The following LPAR3 variants were observed in gnomAD, a reference collection of about 807,000 sequenced individuals.
The protein encoded by LPAR3 is lysophosphatidic acid receptor 3.
Under a neutral mutation model 17.8 loss-of-function variants are expected in LPAR3, and 7 were observed. The ratio of observed to expected loss-of-function variants is 0.39; its 90% confidence interval spans 0.22 to 0.74. The LOEUF (loss-of-function observed/expected upper bound fraction) is 0.74. Among genes scored for constraint, LPAR3 ranks in the 30% least tolerant of loss-of-function variants. The pLI is 0.40. For synonymous variants in LPAR3, 179 were observed against 179.9 expected (o/e 0.99, Z 0.04); for missense variants, 391 against 453.4 (o/e 0.86, Z 1.25).
In LPAR3 at chr1:84,814,118, G is replaced by A; in HGVS notation, c.790C>T (p.Leu264=). 1.2e-6 allele frequency: 2 copies of A among 1,614,150 alleles called. No individual in the cohort carries two copies. The highest frequency in any genetic ancestry group is 1.7e-6 in the Non-Finnish European group (2 of 1,180,022). Residue 264 remains leucine (L), a synonymous_variant, in exon 3 of 3, where the codon CTG becomes TTG. Transcript: ENST00000370611. ...PGLVVLLLDG[L]NCRQCGVQHV... is the part of the protein sequence containing the mutation. ...TGCACGCCACACTGCCTGCAGTTCA[G>A]GCCGTCGAGGAGCAGAACCACCAGG...
chr1:84,849,302 G>A (rs1659655032), intron 2 of LPAR3, among the ~76,000 whole-genome samples: 2 of 147,020 alleles, frequency 1.4e-5, no homozygotes, highest in South Asian at 4.3e-4. Context: ...TTGAACCTGG[G>A]AGGCAGAGGT....
At chr1:84,868,360 T>A (rs1454982969) in intron 1 of LPAR3, among the ~76,000 whole-genome samples, 1 of 152,196 alleles carries the variant, frequency 6.6e-6, no homozygotes, top group Non-Finnish European at 1.5e-5. Context: ...TCCGCCCACC[T>A]TGGCCTCCCA....
chr1:84,827,151 T>C (rs1659174602), intron 2 of LPAR3, among the ~76,000 whole-genome samples: 1 of 152,238 alleles, frequency 6.6e-6, no homozygotes, highest in Non-Finnish European at 1.5e-5. Flanking sequence ...AAAAATCAAT[T>C]GTGTACAATG....
rs1450823400 is a variant in LPAR3 at position 84,848,663 on chromosome 1, C to A, written c.736+16722G>T. On this transcript the variant is annotated intron_variant, in intron 2 of 2. Transcript: ENST00000370611. ...TGTCCTTCTGAGAGTCCACTCCATG[C>A]AACTGAGAAGACACAGTTTTAGTTT... 3.6e-4 allele frequency among the ~76,000 whole-genome samples: 55 copies of A among 152,182 alleles called. 1 individual carries two copies. The highest frequency in any genetic ancestry group is 2.9e-5 in the Non-Finnish European group (2 of 68,038).
intron 2 of LPAR3, among the ~76,000 whole-genome samples, chr1:84,861,583 C>T (rs1428021303): frequency 6.6e-6 from 1 of 152,206 alleles, no homozygotes. Flanking sequence ...CTGCAGATCA[C>T]CCTTGTAGAA....
At chr1:84,873,518 T>C (rs991642491) in intron 1 of LPAR3, among the ~76,000 whole-genome samples, 5 of 152,206 alleles carry the variant, frequency 3.3e-5, no homozygotes, top group Non-Finnish European at 7.3e-5. Context: ...AGTGGCAATT[T>C]GTTCAAAATT....
chr1:84,875,346 C>T (rs10157361), intron 1 of LPAR3, among the ~76,000 whole-genome samples: 109,740 of 152,218 alleles, frequency 0.72, 40,633 homozygotes, highest in African/African-American at 0.88. Flanking sequence ...TATAATTATG[C>T]CCCCCAGAGT....
At chr1:84,858,895 T>A (rs958506949) in intron 2 of LPAR3, among the ~76,000 whole-genome samples, 1 of 152,158 alleles carries the variant, frequency 6.6e-6, no homozygotes, top group Non-Finnish European at 1.5e-5. Flanking sequence ...TTTACTCCAG[T>A]AGGGCAAAGG....
intron 2 of LPAR3, among the ~76,000 whole-genome samples, chr1:84,842,072 A>T (rs1006718494): frequency 6.6e-6 from 1 of 152,180 alleles, no homozygotes; most frequent in Non-Finnish European, 1.5e-5. Context: ...GAAGAGAAAG[A>T]ATTTCCTGAA....
At chr1:84,886,484 C>T (rs1236859773) in intron 1 of LPAR3, among the ~76,000 whole-genome samples, 2 of 152,126 alleles carry the variant, frequency 1.3e-5, no homozygotes, top group African/African-American at 4.8e-5. Context: ...TATGATCACG[C>T]CACTGCACTC....
At chr1:84,838,243 C>T (rs1659441779) in intron 2 of LPAR3, among the ~76,000 whole-genome samples, 1 of 152,154 alleles carries the variant, frequency 6.6e-6, no homozygotes, top group African/African-American at 2.4e-5. Flanking sequence ...CCACTAGCCT[C>T]TGTGCATGAA....
chr1:84,872,481 T>C (rs1660173528), intron 1 of LPAR3, among the ~76,000 whole-genome samples: 1 of 152,108 alleles, frequency 6.6e-6, no homozygotes, highest in African/African-American at 2.4e-5. Context: ...CAAAGATTCC[T>C]CTTTGAATAA....
intron 2 of LPAR3, among the ~76,000 whole-genome samples, chr1:84,852,629 G>A (rs762399652): frequency 2.0e-4 from 30 of 152,160 alleles, no homozygotes; most frequent in Non-Finnish European, 4.1e-4. Context: ...AGGCTGCTTT[G>A]AGAGACGTTC....
intron 1 of LPAR3, among the ~76,000 whole-genome samples, chr1:84,869,849 G>A (rs1171505677): frequency 6.6e-6 from 1 of 152,160 alleles, no homozygotes. Flanking sequence ...TACAAGCACA[G>A]CACACTTCAG....
At chr1:84,871,708 C>A (rs889546132) in intron 1 of LPAR3, among the ~76,000 whole-genome samples, 12 of 152,204 alleles carry the variant, frequency 7.9e-5, no homozygotes, top group Non-Finnish European at 1.5e-4. Context: ...ATGGCAAAAT[C>A]AGGATAGCAT....
chr1:84,884,790 A>C (rs1041076224), intron 1 of LPAR3, among the ~76,000 whole-genome samples: 1 of 152,218 alleles, frequency 6.6e-6, no homozygotes, highest in African/African-American at 2.4e-5. Context: ...CAATCCATGG[A>C]AAGTTAACCT....
intron 2 of LPAR3, among the ~76,000 whole-genome samples, chr1:84,846,307 G>T (rs1426019692): frequency 6.6e-6 from 1 of 152,152 alleles, no homozygotes; most frequent in African/African-American, 2.4e-5. Context: ...TTCCTTGAAA[G>T]TTCCAGTCTT....
At chr1:84,880,599 A>T (rs17116974) in intron 1 of LPAR3, among the ~76,000 whole-genome samples, 1 of 152,140 alleles carries the variant, frequency 6.6e-6, no homozygotes, top group East Asian at 1.9e-4. Context: ...TACTGAAGAG[A>T]GGCAGAGAGA....
At chr1:84,853,033 A>G (rs1206539461) in intron 2 of LPAR3, among the ~76,000 whole-genome samples, 1 of 151,774 alleles carries the variant, frequency 6.6e-6, no homozygotes, top group African/African-American at 2.4e-5. Context: ...AGGCAGAAGG[A>G]TCGCTTGAGC....
Sources: allele counts gnomAD v4.1 joint callset (sites outside exome capture counted in the v4.1 genomes callset), GRCh38; gene constraint gnomAD v4.1.1; transcripts MANE v1.5; gene names NCBI Gene and HGNC (gene_info 2026-07-23, HGNC 2026-07-21).